PEBP4: variants seen among roughly 807,000 people sequenced by gnomAD.
PEBP4 encodes the protein phosphatidylethanolamine binding protein 4.
In PEBP4, 22 loss-of-function variants were observed where a neutral mutation model predicts 23.9. The ratio of observed to expected loss-of-function variants is 0.92; its 90% CI spans 0.66 to 1.31. The LOEUF (loss-of-function observed/expected upper bound fraction) is 1.31. Among genes scored for constraint, PEBP4 ranks in the 40% most tolerant of loss-of-function variants. PEBP4 has a pLI of 0.00. For synonymous variants in PEBP4, 112 were observed against 99.3 expected (o/e 1.13, Z -0.76); for missense variants, 324 against 281.7 (o/e 1.15, Z -1.07).
chr8:22,787,936 C>T (rs967048010), intron 4 of PEBP4, among the ~76,000 whole-genome samples: 6 of 152,062 alleles, frequency 3.9e-5, no homozygotes, highest in Admixed American at 6.6e-5. Flanking sequence ...GAAGGGTTTA[C>T]GTTTCGTTGA....
chr8:22,784,258 A>T (rs1805984851), intron 4 of PEBP4, among the ~76,000 whole-genome samples: 1 of 152,138 alleles, frequency 6.6e-6, no homozygotes, highest in Non-Finnish European at 1.5e-5. Flanking sequence ...GTCAGGGTTG[A>T]AGGAAGCTAT....
chr8:22,935,061 A>G (rs1809515862), intron 1 of PEBP4, among the ~76,000 whole-genome samples: 1 of 152,264 alleles, frequency 6.6e-6, no homozygotes. Context: ...TCAAGAAGAT[A>G]TAACAGTTAT....
At chr8:22,889,360 G>A in intron 3 of PEBP4, among the ~76,000 whole-genome samples, 1 of 152,220 alleles carries the variant, frequency 6.6e-6, no homozygotes, top group Non-Finnish European at 1.5e-5. Flanking sequence ...GAACAATGCA[G>A]GGGCTGAGAA....
intron 4 of PEBP4, among the ~76,000 whole-genome samples, chr8:22,783,969 G>A (rs1233387627): frequency 6.7e-6 from 1 of 150,286 alleles, no homozygotes; most frequent in African/African-American, 2.5e-5. Context: ...CCACCAGGAG[G>A]GGAAGAGATC....
intron 3 of PEBP4, among the ~76,000 whole-genome samples, chr8:22,864,679 G>T (rs1293121115): frequency 6.6e-6 from 1 of 152,198 alleles, no homozygotes; most frequent in African/African-American, 2.4e-5. Context: ...AAGCTGCTCC[G>T]CCAGGCAGCT....
chr8:22,940,096 TA>T (rs981267368), intron 1 of PEBP4, among the ~76,000 whole-genome samples: 2 of 152,212 alleles, frequency 1.3e-5, no homozygotes, highest in Admixed American at 6.5e-5. Context: ...GAATTGAACT[TA>T]AAGCCTAGTG....
chr8:22,749,766 G>T (rs1277371643), intron 4 of PEBP4, among the ~76,000 whole-genome samples: 1 of 145,208 alleles, frequency 6.9e-6, no homozygotes, highest in Non-Finnish European at 1.5e-5. Context: ...CAGCAGTGTG[G>T]ATCTACAACC....
intron 3 of PEBP4, among the ~76,000 whole-genome samples, chr8:22,860,251 T>C (rs1430956356): frequency 6.7e-6 from 1 of 149,064 alleles, no homozygotes; most frequent in Non-Finnish European, 1.5e-5. Context: ...ACACATATCA[T>C]GCAATTTGCC....
chr8:22,887,468 A>C (rs1054456618), intron 3 of PEBP4, among the ~76,000 whole-genome samples: 1 of 151,764 alleles, frequency 6.6e-6, no homozygotes, highest in Non-Finnish European at 1.5e-5. Context: ...ATATTTTTAT[A>C]ATATTTACCA....
intron 4 of PEBP4, among the ~76,000 whole-genome samples, chr8:22,802,328 G>A (rs766991275): frequency 1.4e-5 from 2 of 143,724 alleles, no homozygotes; most frequent in Non-Finnish European, 3.1e-5. Context: ...CACTACCCCC[G>A]TGCCAAGCCT....
chr8:22,811,496 A>C (rs904483534), intron 4 of PEBP4, among the ~76,000 whole-genome samples: 1 of 152,208 alleles, frequency 6.6e-6, no homozygotes, highest in African/African-American at 2.4e-5. Flanking sequence ...TGGGACTGTG[A>C]GTGATAAGGA....
At chr8:22,728,607 CCTTCCCTTT>C (rs1563196420) in intron 4 of PEBP4, among the ~76,000 whole-genome samples, 1 of 119,528 alleles carries the variant, frequency 8.4e-6, no homozygotes, top group Non-Finnish European at 1.9e-5. Context: ...TTCCTTCCTT[CCTTCCCTTT>C]TTTTGGAGTC....
chr8:22,719,501 C>T (rs1040850161), intron 6 of PEBP4, among the ~76,000 whole-genome samples: 1 of 151,940 alleles, frequency 6.6e-6, no homozygotes, highest in Non-Finnish European at 1.5e-5. Flanking sequence ...CCATTCTGGG[C>T]AGCTGCTGCT....
At chr8:22,756,411 CAACACT>C (rs1391270204) in intron 4 of PEBP4, among the ~76,000 whole-genome samples, 1 of 152,214 alleles carries the variant, frequency 6.6e-6, no homozygotes, top group Non-Finnish European at 1.5e-5. Context: ...AACTCCTCGT[CAACACT>C]GGTGACTAAT....
intron 3 of PEBP4, among the ~76,000 whole-genome samples, chr8:22,822,827 A>G (rs1204267560): frequency 6.6e-6 from 1 of 152,050 alleles, no homozygotes. Flanking sequence ...AAGAAATACA[A>G]TGCTTTTAAA....
At chr8:22,918,611 G>A (rs1479963833) in intron 3 of PEBP4, among the ~76,000 whole-genome samples, 2 of 152,218 alleles carry the variant, frequency 1.3e-5, no homozygotes, top group East Asian at 3.8e-4. Flanking sequence ...GCACGCGGAA[G>A]GGAGCCCTTT....
chr8:22,787,601 C>T (rs555488730), intron 4 of PEBP4, among the ~76,000 whole-genome samples: 1 of 152,362 alleles, frequency 6.6e-6, no homozygotes, highest in South Asian at 2.1e-4. Context: ...ACTTGCTCCT[C>T]TTTGCCACTG....
At chr8:22,874,623 G>C (rs1403434337) in intron 3 of PEBP4, among the ~76,000 whole-genome samples, 1 of 151,958 alleles carries the variant, frequency 6.6e-6, no homozygotes, top group African/African-American at 2.4e-5. Flanking sequence ...ATGCAAACCA[G>C]AGGTTTTTAT....
chr8:22,846,741 G>A (rs1438716773), intron 3 of PEBP4, among the ~76,000 whole-genome samples: 1 of 152,188 alleles, frequency 6.6e-6, no homozygotes, highest in Non-Finnish European at 1.5e-5. Flanking sequence ...CCTCACAGTG[G>A]CCAACACTGG....
Sources: allele counts gnomAD v4.1 joint callset (sites outside exome capture counted in the v4.1 genomes callset), GRCh38; gene constraint gnomAD v4.1.1; transcripts MANE v1.5; gene names NCBI Gene and HGNC (gene_info 2026-07-23, HGNC 2026-07-21).